The following NAV2 variants were observed in gnomAD, a reference collection of about 807,000 sequenced individuals.
NAV2 encodes the protein helicase, APC down-regulated 1.
NAV2 carries 54 observed loss-of-function variants against 223.2 expected under a neutral mutation model. The observed-to-expected ratio is 0.24, with a 90% CI of 0.19 to 0.30. The LOEUF is 0.30. Ranked by LOEUF, NAV2 falls within the 10% of genes least tolerant of loss-of-function variation. NAV2 has a pLI of 1.00. For missense variants in NAV2, 2,806 were observed against 3,147.5 expected (o/e 0.89, Z 2.60); for synonymous variants, 1,279 against 1,239.3 (o/e 1.03, Z -0.67).
chr11:19,919,261 C>T (rs1411103030), intron 6 of NAV2, among the ~76,000 whole-genome samples: 2 of 151,030 alleles, frequency 1.3e-5, no homozygotes, highest in East Asian at 1.9e-4. Context: ...CCAAGCTGGT[C>T]TGTGAGTGAG....
chr11:19,753,052 G>A (rs1440547406), intron 1 of NAV2, among the ~76,000 whole-genome samples: 1 of 152,178 alleles, frequency 6.6e-6, no homozygotes, highest in African/African-American at 2.4e-5. Flanking sequence ...GAAGACAACT[G>A]CCTGTGAATC....
Position 19,544,213 on chromosome 11 carries a change from T to C in NAV2, c.75+193186T>C, listed in dbSNP as rs1036714617. On this transcript the variant is annotated intron_variant, in intron 1 of 37. Coordinates refer to the NAV2 transcript ENST00000360655. ...GTTGATTTCCATCAAAACCGAGTGA[T>C]TGAAGGAGAATGAGAACGAGATGGA... 2.0e-5 allele frequency among the ~76,000 whole-genome samples: 3 copies of C among 152,322 alleles called. 1 individual carries two copies. The highest frequency in any genetic ancestry group is 2.0e-4 in the Admixed American group (3 of 15,292).
chr11:19,404,183 A>C (rs1849798892), intron 1 of NAV2, among the ~76,000 whole-genome samples: 1 of 152,072 alleles, frequency 6.6e-6, no homozygotes, highest in Admixed American at 6.6e-5. Flanking sequence ...TTGCCAAGGG[A>C]GTGGGCTTTC....
At chr11:20,085,727 G>A (rs1404364608) in intron 26 of NAV2, among the ~76,000 whole-genome samples, 5 of 152,206 alleles carry the variant, frequency 3.3e-5, no homozygotes, top group East Asian at 1.9e-4. Context: ...TGAGGCTCCC[G>A]CCATCCACAG....
chr11:19,747,411 C>T (rs974100968), intron 1 of NAV2, among the ~76,000 whole-genome samples: 10 of 152,162 alleles, frequency 6.6e-5, no homozygotes, highest in Non-Finnish European at 8.8e-5. Context: ...TAATATATAG[C>T]TGTGAAACCT....
At chr11:19,414,261 C>A (rs1324418981) in intron 1 of NAV2, among the ~76,000 whole-genome samples, 2 of 151,866 alleles carry the variant, frequency 1.3e-5, no homozygotes, top group African/African-American at 2.4e-5. Flanking sequence ...AAAAACCAAA[C>A]AACCAACCAA....
intron 1 of NAV2, among the ~76,000 whole-genome samples, chr11:19,379,691 C>T (rs1021427521): frequency 5.9e-5 from 9 of 152,204 alleles, no homozygotes; most frequent in Non-Finnish European, 1.3e-4. Flanking sequence ...ACCAGAGCTT[C>T]ACATGGACTT....
At chr11:19,931,646 G>A (rs931641261) in intron 6 of NAV2, 3 of 149,622 alleles carry the variant, frequency 2.0e-5, no homozygotes, top group Admixed American at 1.3e-4. Context: ...CAGGCTTCTG[G>A]GCACTGGAGT....
At chr11:19,650,149 T>C (rs1204614458) in intron 1 of NAV2, among the ~76,000 whole-genome samples, 1 of 152,238 alleles carries the variant, frequency 6.6e-6, no homozygotes, top group Admixed American at 6.5e-5. Flanking sequence ...TACAAGGTCT[T>C]TTCAGATATA....
rs547845390 is a variant in NAV2 at position 20,000,571 on chromosome 11, A to G, written c.2768+16324A>G. On this transcript the variant is annotated intron_variant, in intron 11 of 37. Coordinates refer to ENST00000349880, the MANE Select transcript of NAV2 (RefSeq NM_145117.5). Reference sequence around the variant, plus strand: ...TCAGTTTAAACAAAGGCCTCAAGGAAACCTCCCAGAGGGCTGCGTTCTTAA... The same window carrying G: ...TCAGTTTAAACAAAGGCCTCAAGGAGACCTCCCAGAGGGCTGCGTTCTTAA... 7.9e-4 allele frequency among the ~76,000 whole-genome samples: 120 copies of G among 152,262 alleles called. 2 individuals are homozygous for G. The highest frequency in any genetic ancestry group is 2.6e-3 in the African/African-American group (108 of 41,560).
chr11:19,864,214 A>G (rs943831055), intron 3 of NAV2, among the ~76,000 whole-genome samples: 3 of 152,230 alleles, frequency 2.0e-5, no homozygotes, highest in Non-Finnish European at 4.4e-5. Flanking sequence ...GCAAAAAACT[A>G]TTAAACCATA....
intron 19 of NAV2, 56 bp from the exon 20 acceptor site, chr11:20,062,251 C>T: frequency 7.4e-7 from 1 of 1,354,018 alleles, no homozygotes. Context: ...CCCCTGTCCC[C>T]TTTTTGGTTC....
chr11:19,563,999 T>G (rs2045182962), intron 1 of NAV2, among the ~76,000 whole-genome samples: 1 of 152,240 alleles, frequency 6.6e-6, no homozygotes, highest in Non-Finnish European at 1.5e-5. Context: ...TAGCTGCTAC[T>G]GTAATGTCGT....
At position 19,652,649 on chromosome 11, in the gene NAV2, T is replaced by C. The variant is rs961353720; in HGVS notation, c.76-179835T>C. Among the ~76,000 whole-genome samples the C allele has an allele frequency of 4.6e-5, 7 of 152,294 alleles. No individual in the cohort carries two copies. In the South Asian group the frequency reaches 1.5e-3, roughly 32 times the overall value. ...AAGGATGCGTGGTAAAAAGCACAAG[T>C]GTCGCTTTATCCTCCATGGCTGCCC... On this transcript the variant is annotated intron_variant, in intron 1 of 37. Transcript: ENST00000360655.
chr11:19,842,835 G>T, intron 2 of NAV2, 36 bp from the exon 3 acceptor site: 1 of 1,607,146 alleles, frequency 6.2e-7, no homozygotes. Flanking sequence ...TGTCTCTCTG[G>T]TGATTTATTT....
intron 1 of NAV2, among the ~76,000 whole-genome samples, chr11:19,694,330 A>T (rs2049265756): frequency 6.6e-6 from 1 of 152,152 alleles, no homozygotes; most frequent in African/African-American, 2.4e-5. Flanking sequence ...CTGCCCAGGG[A>T]GTCAACCCTC....
At chr11:19,367,047 T>C (rs1446249412) in intron 1 of NAV2, among the ~76,000 whole-genome samples, 1 of 152,210 alleles carries the variant, frequency 6.6e-6, no homozygotes, top group African/African-American at 2.4e-5. Flanking sequence ...ACAAGTACAC[T>C]GAGGCCCAGA....
intron 1 of NAV2, among the ~76,000 whole-genome samples, chr11:19,615,623 G>T (rs560148014): frequency 1.3e-5 from 2 of 152,212 alleles, no homozygotes; most frequent in South Asian, 4.2e-4. Context: ...ACACATATAT[G>T]AAATGCATTT....
intron 1 of NAV2, among the ~76,000 whole-genome samples, chr11:19,502,111 T>C (rs1356740260): frequency 6.6e-6 from 1 of 152,208 alleles, no homozygotes; most frequent in African/African-American, 2.4e-5. Flanking sequence ...AGAAGAGATC[T>C]ATCTAATAAA....
Sources: gnomAD v4.1 joint callset for allele counts (sites outside exome capture counted in the v4.1 genomes callset) on GRCh38, gnomAD v4.1.1 for gene constraint, MANE v1.5 for transcripts, NCBI Gene and HGNC (gene_info 2026-07-23, HGNC 2026-07-21) for gene names.